CSMD2: variants seen among roughly 807,000 people sequenced by gnomAD.
CSMD2 encodes the protein CUB and sushi domain-containing protein 2.
A neutral mutation model predicts 398.5 loss-of-function variants in CSMD2; 130 were observed. That is an observed-to-expected ratio of 0.33 (90% CI 0.28 to 0.38). CSMD2 has a LOEUF of 0.38. CSMD2 is among the 10% of genes least tolerant of loss of function. The pLI is 1.00. For synonymous variants in CSMD2, 1,828 were observed against 1,908.5 expected (o/e 0.96, Z 1.10); for missense variants, 3,829 against 4,764.9 (o/e 0.80, Z 5.78).
chr1:33,829,498 G>A (rs971518991), intron 6 of CSMD2, among the ~76,000 whole-genome samples: 7 of 152,106 alleles, frequency 4.6e-5, no homozygotes, highest in East Asian at 1.9e-4. Context: ...CCATTAACTC[G>A]TCATTTAACA....
intron 51 of CSMD2, among the ~76,000 whole-genome samples, chr1:33,570,331 TA>T (rs1198879403): frequency 1.0e-5 from 1 of 96,352 alleles, no homozygotes; most frequent in Non-Finnish European, 2.1e-5. Flanking sequence ...CCATGCTGGC[TA>T]ATTTTTTTTT....
At chr1:34,068,027 G>T (rs1655308778) in intron 2 of CSMD2, among the ~76,000 whole-genome samples, 1 of 152,188 alleles carries the variant, frequency 6.6e-6, no homozygotes, top group Admixed American at 6.5e-5. Context: ...CCCAACTTCT[G>T]CACTGGTGCT....
intron 44 of CSMD2, 42 bp downstream of exon 44, chr1:33,600,822 TG>T (rs1460829606): frequency 6.2e-7 from 1 of 1,607,560 alleles, no homozygotes; most frequent in Non-Finnish European, 8.5e-7. Flanking sequence ...AGCCTTGACT[TG>T]AAAGCCTGGC....
At chr1:33,992,737 C>G (rs894848337) in intron 3 of CSMD2, among the ~76,000 whole-genome samples, 1 of 151,152 alleles carries the variant, frequency 6.6e-6, no homozygotes, top group African/African-American at 2.4e-5. Flanking sequence ...ATTAGCCGGG[C>G]GTGGTGGTGG....
chr1:33,590,877 G>C (rs1298978800), intron 44 of CSMD2, among the ~76,000 whole-genome samples: 1 of 152,024 alleles, frequency 6.6e-6, no homozygotes, highest in African/African-American at 2.4e-5. Context: ...AGTTGGCTCA[G>C]CAGCAGCCAT....
At chr1:34,142,072 T>C (rs1639346988) in intron 1 of CSMD2, among the ~76,000 whole-genome samples, 1 of 152,112 alleles carries the variant, frequency 6.6e-6, no homozygotes, top group Non-Finnish European at 1.5e-5. Flanking sequence ...AGGGATGCTG[T>C]CTTCCCTCTT....
intron 13 of CSMD2, among the ~76,000 whole-genome samples, chr1:33,753,723 C>G (rs1002688208): frequency 2.0e-5 from 3 of 152,256 alleles, no homozygotes; most frequent in Non-Finnish European, 4.4e-5. Flanking sequence ...CTCTGCAAAG[C>G]TACAGAGGCA....
intron 10 of CSMD2, among the ~76,000 whole-genome samples, chr1:33,809,456 A>G (rs1490896406): frequency 6.6e-6 from 1 of 151,990 alleles, no homozygotes; most frequent in Non-Finnish European, 1.5e-5. Context: ...AAATTCAATA[A>G]CCATTCTTGA....
At chr1:33,630,276 C>T (rs543915374) in intron 32 of CSMD2, among the ~76,000 whole-genome samples, 3 of 152,222 alleles carry the variant, frequency 2.0e-5, no homozygotes, top group South Asian at 4.2e-4. Context: ...CATCCTACTC[C>T]AGGAGTTCCT....
Position 34,163,656 on chromosome 1 carries a change from CAAAACAAAAACA to C in CSMD2, c.187+1243_187+1254del, listed in dbSNP as rs560064420. On this transcript the variant is annotated intron_variant, in intron 1 of 70. Coordinates refer to ENST00000373381, the MANE Select transcript of CSMD2 (RefSeq NM_001281956.2). The surrounding 1 kb of genome is among the most constrained non-coding windows in gnomAD (Gnocchi z 5.4). ...TCGGTGGTTTCAAAACAAAACAAAA[CAAAACAAAAACA>C]AAAACAAAAAAGAAAACACGGCTCC... 4.6e-5 allele frequency among the ~76,000 whole-genome samples: 7 copies of C among 152,010 alleles called. No homozygotes were observed. Among genetic ancestry groups the C allele is most frequent in the African/African-American group, 1.4e-4 (6 of 41,408 alleles).
intron 15 of CSMD2, among the ~76,000 whole-genome samples, chr1:33,732,920 C>G (rs1348215129): frequency 1.3e-5 from 2 of 152,178 alleles, no homozygotes; most frequent in Non-Finnish European, 2.9e-5. Flanking sequence ...AAGGCGGGCA[C>G]AGACATTAAC....
intron 44 of CSMD2, among the ~76,000 whole-genome samples, chr1:33,593,046 T>C (rs534288677): frequency 9.2e-5 from 14 of 152,246 alleles, no homozygotes; most frequent in African/African-American, 2.6e-4. Flanking sequence ...CAAATGTCCA[T>C]AGAGGGATGA....
chr1:33,630,151 A>G (rs944790913), intron 32 of CSMD2, among the ~76,000 whole-genome samples: 1 of 151,374 alleles, frequency 6.6e-6, no homozygotes, highest in Non-Finnish European at 1.5e-5. Context: ...ATCTACATCC[A>G]TATTTACATC....
chr1:33,864,515 T>C (rs1639819144), intron 5 of CSMD2: 7 of 1,613,976 alleles, frequency 4.3e-6, no homozygotes, highest in African/African-American at 1.3e-5. Context: ...AAGACCACTA[T>C]GCTCAGCTGA....
chr1:34,049,219 G>T (rs1652893379), intron 2 of CSMD2, among the ~76,000 whole-genome samples: 1 of 152,168 alleles, frequency 6.6e-6, no homozygotes, highest in African/African-American at 2.4e-5. Flanking sequence ...TTTACCTGTG[G>T]GCCTCATCTG....
chr1:33,562,042 G>A (rs1352059703), intron 53 of CSMD2, among the ~76,000 whole-genome samples: 1 of 152,138 alleles, frequency 6.6e-6, no homozygotes, highest in African/African-American at 2.4e-5. Flanking sequence ...GGAAACTGAG[G>A]AGTGATCAAA....
At chr1:33,733,310 G>T (rs1646780503) in intron 15 of CSMD2, among the ~76,000 whole-genome samples, 1 of 152,066 alleles carries the variant, frequency 6.6e-6, no homozygotes, top group Non-Finnish European at 1.5e-5. Flanking sequence ...ACTGTTTTGT[G>T]GTAGAATATA....
chr1:34,076,956 T>G (rs1330143265), intron 2 of CSMD2, among the ~76,000 whole-genome samples: 2 of 113,380 alleles, frequency 1.8e-5, no homozygotes, highest in Admixed American at 9.6e-5. Context: ...TATATATATA[T>G]AGAAGGCTTG....
At chr1:34,095,746 G>T (rs1278852218) in intron 1 of CSMD2, among the ~76,000 whole-genome samples, 3 of 150,922 alleles carry the variant, frequency 2.0e-5, no homozygotes, top group Non-Finnish European at 3.0e-5. Flanking sequence ...AATAACAGGA[G>T]CTGAAATTGT....
Sources: allele counts gnomAD v4.1 joint callset (sites outside exome capture counted in the v4.1 genomes callset), GRCh38; gene constraint gnomAD v4.1.1; non-coding constraint Gnocchi (gnomAD v3.1); transcripts MANE v1.5; gene names NCBI Gene and HGNC (gene_info 2026-07-23, HGNC 2026-07-21).